The following P2RX7 variants were observed in gnomAD, a reference collection of about 807,000 sequenced individuals.
The protein encoded by P2RX7 is purinergic receptor P2X 7.
In P2RX7, 62 loss-of-function variants were observed where a neutral mutation model predicts 71.6. The observed-to-expected ratio is 0.87, with a 90% CI of 0.71 to 1.07. The LOEUF (loss-of-function observed/expected upper bound fraction) is 1.07, where lower values mean the gene tolerates loss of function less well. Among genes scored for constraint, P2RX7 ranks in the 50% least tolerant of loss-of-function variants. P2RX7 has a pLI of 0.00. For synonymous variants in P2RX7, 299 were observed against 283.3 expected (o/e 1.06, Z -0.56); for missense variants, 686 against 748.5 (o/e 0.92, Z 0.97).
At position 121,167,577 on chromosome 12, in the gene P2RX7, TGAC is replaced by T; in HGVS notation, c.838_840del (p.Asp280del). ...GTCCCAAATACAGTTTCCGTCGCCT[TGAC>T]GACAAGACCACCAACGTGTCCTTGT... On this transcript the variant is annotated inframe_deletion, in exon 8 of 13. Transcript: ENST00000328963. The T allele has an allele frequency of 3.1e-6, 5 of 1,611,838 alleles. No homozygotes were observed. Among genetic ancestry groups the T allele is most frequent in the Non-Finnish European group, 4.2e-6 (5 of 1,178,864 alleles).
At chr12:121,179,924 C>T (rs905878125) in intron 11 of P2RX7, among the ~76,000 whole-genome samples, 2 of 151,306 alleles carry the variant, frequency 1.3e-5, no homozygotes, top group Non-Finnish European at 2.9e-5. Flanking sequence ...CCAAGGCGGG[C>T]GGATCAACTG....
chr12:121,164,973 C>T (rs955389810), intron 5 of P2RX7, among the ~76,000 whole-genome samples: 2 of 151,998 alleles, frequency 1.3e-5, no homozygotes, highest in Non-Finnish European at 2.9e-5. Flanking sequence ...GGGGGATGTG[C>T]CGCACACTTT....
chr12:121,150,641 G>T (rs937110143), intron 1 of P2RX7, among the ~76,000 whole-genome samples: 7 of 152,188 alleles, frequency 4.6e-5, no homozygotes, highest in African/African-American at 1.7e-4. Flanking sequence ...GTGTGCACTG[G>T]CTTATGCCTG....
At chr12:121,165,652 T>A (rs1402447562) in intron 6 of P2RX7, among the ~76,000 whole-genome samples, 1 of 152,194 alleles carries the variant, frequency 6.6e-6, no homozygotes, top group South Asian at 2.1e-4. Context: ...TAGGCTTGAC[T>A]GGGGCTGGAG....
Position 121,132,969 on chromosome 12 carries a change from C to T in P2RX7, c.-2C>T, listed in dbSNP as rs757830159. On this transcript the variant is annotated 5_prime_UTR_variant, in exon 1 of 13. Coordinates refer to ENST00000328963, the MANE Select transcript of P2RX7 (RefSeq NM_002562.6). Reference sequence around the variant, plus strand: ...CTCCGCGCAGGGAGGGAGGCTGTCACCATGCCGGCCTGCTGCAGCTGCAGT... The same window carrying T: ...CTCCGCGCAGGGAGGGAGGCTGTCATCATGCCGGCCTGCTGCAGCTGCAGT... The T allele has an allele frequency of 1.2e-6, 2 of 1,613,668 alleles. No individual in the cohort carries two copies. The highest frequency in any genetic ancestry group is 1.1e-5 in the South Asian group (1 of 91,080).
rs1235744655 is a variant in P2RX7, at chr12:121,149,921, C to T, written c.126-4864C>T. On this transcript the variant is annotated intron_variant, in intron 1 of 12. Transcript: ENST00000328963. This position sits in a 1 kb window ranked among gnomAD's most constrained non-coding sequence, Gnocchi z 4.7. ...GAAATCCCTAGGTCCTTCACACTCC[C>T]GTTAGCTCCAGGTACCAGCGGCTTT... is the stretch of plus-strand genomic sequence containing the variant. Among the ~76,000 whole-genome samples, 3 of 152,128 alleles carry T rather than the reference C, an allele frequency of 2.0e-5. No homozygotes were observed. The highest frequency in any genetic ancestry group is 2.9e-5 in the Non-Finnish European group (2 of 68,018).
chr12:121,143,935 T>C (rs622937), intron 1 of P2RX7, among the ~76,000 whole-genome samples: 21,632 of 152,188 alleles, frequency 0.14, 2,454 homozygotes, highest in African/African-American at 0.32. Context: ...TACATTTCAA[T>C]GACTTTTAGT....
In P2RX7 at chr12:121,177,134, A is replaced by T. The variant is rs1475519362; in HGVS notation, c.973-13A>T. 4 of 1,612,364 alleles carry T rather than the reference A, an allele frequency of 2.5e-6. No individual in the cohort carries two copies. The highest frequency in any genetic ancestry group is 3.4e-6 in the Non-Finnish European group (4 of 1,178,612). ...GAATTTCACCTGAGTAAACTCTCCCACTCTGTTTTTAGGGAGGAAAATTTG... is the reference window on the plus strand; with the variant it reads ...GAATTTCACCTGAGTAAACTCTCCCTCTCTGTTTTTAGGGAGGAAAATTTG... On this transcript the variant is annotated splice_polypyrimidine_tract_variant and intron_variant, in intron 9 of 12. Transcript: ENST00000328963.
intron 1 of P2RX7, among the ~76,000 whole-genome samples, chr12:121,153,637 C>G (rs1323614323): frequency 6.6e-6 from 1 of 151,724 alleles, no homozygotes; most frequent in Non-Finnish European, 1.5e-5. Context: ...GAGATGGAGT[C>G]ACTGCACTCC....
In P2RX7 at chr12:121,187,723, A is replaced by T. The variant is rs1885013679; in HGVS notation, c.*2921A>T. On this transcript the variant is annotated 3_prime_UTR_variant, in exon 13 of 13. Transcript: ENST00000328963. ...CTACAATAACAGGCGTCATATTTGT[A>T]TTATTTTTAGTTTACTGTAGAAAAT... 1 of 152,152 alleles carries T rather than the reference A, an allele frequency of 6.6e-6. No individual in the cohort carries two copies. Among genetic ancestry groups the T allele is most frequent in the Non-Finnish European group, 1.5e-5 (1 of 68,008 alleles). The allele number at this position is 152,152 out of a possible 1,614,324, so 9.4% of individuals were successfully genotyped here.
rs769105717 is a variant in P2RX7, at chr12:121,166,114, C to T, written c.671C>T (p.Pro224Leu). 1 of 1,613,852 alleles carries T rather than the reference C, an allele frequency of 6.2e-7. No individual in the cohort carries two copies. Among genetic ancestry groups the T allele is most frequent in the Admixed American group, 1.7e-5 (1 of 60,018 alleles). ...ITCTFHKTQN[P>L]QCPIFRLGDI... The stretch of plus-strand genomic sequence containing the variant: ...TGTACCTTCCACAAGACTCAGAATC[C>T]ACAGTGTCCCATTTTCCGACTAGGA... Residue 224 changes from proline (P) to leucine (L), a missense_variant, in exon 7 of 13, where the codon CCA becomes CTA. Transcript: ENST00000328963.
At chr12:121,175,560 G>A (rs577412329) in intron 9 of P2RX7, 82 bp downstream of exon 9, 57 of 751,388 alleles carry the variant, frequency 7.6e-5, no homozygotes, top group African/African-American at 5.6e-4. Flanking sequence ...ATGGAGGGAA[G>A]GGTTTTGGTC....
chr12:121,177,586 T>A, intron 11 of P2RX7, 140 bp downstream of exon 11: 1 of 808,542 alleles, frequency 1.2e-6, no homozygotes, highest in Non-Finnish European at 1.9e-6. Flanking sequence ...ATCAACCAAC[T>A]CTCAGATAAA....
chr12:121,175,500 C>T (rs372847821), intron 9 of P2RX7, 22 bp downstream of exon 9: 12 of 1,001,734 alleles, frequency 1.2e-5, no homozygotes, highest in African/African-American at 3.2e-5. Flanking sequence ...TTCCCAGCTC[C>T]GGGCACCGGC....
At chr12:121,175,510 C>T in intron 9 of P2RX7, 32 bp downstream of exon 9, 1 of 927,054 alleles carries the variant, frequency 1.1e-6, no homozygotes, top group South Asian at 1.3e-5. Context: ...CGGGCACCGG[C>T]ATCCTATGAC....
chr12:121,162,206 CT>C, intron 4 of P2RX7: 1 of 1,337,458 alleles, frequency 7.5e-7, no homozygotes, highest in Non-Finnish European at 9.6e-7. Flanking sequence ...CACAGTCTTT[CT>C]GTGTTCTCTC....
At chr12:121,163,557 G>A (rs1466382961) in intron 5 of P2RX7, among the ~76,000 whole-genome samples, 2 of 105,696 alleles carry the variant, frequency 1.9e-5, no homozygotes, top group African/African-American at 6.1e-5. Flanking sequence ...TAGATAGAAA[G>A]ATAGATAGAT....
chr12:121,175,247 G>T, intron 8 of P2RX7, 141 bp from the exon 9 acceptor site: 1 of 553,482 alleles, frequency 1.8e-6, no homozygotes, highest in African/African-American at 1.9e-5. Context: ...GCAAGTCAAG[G>T]CTGCAGTGAG....
At chr12:121,133,756 AT>A (rs1347033804) in intron 1 of P2RX7, among the ~76,000 whole-genome samples, 1 of 152,012 alleles carries the variant, frequency 6.6e-6, no homozygotes, top group African/African-American at 2.4e-5. Flanking sequence ...CCACCCATCA[AT>A]TTCCTTTCTG....
Sources: allele counts gnomAD v4.1 joint callset (sites outside exome capture counted in the v4.1 genomes callset), GRCh38; gene constraint gnomAD v4.1.1; non-coding constraint Gnocchi (gnomAD v3.1); transcripts MANE v1.5; gene names NCBI Gene and HGNC (gene_info 2026-07-23, HGNC 2026-07-21).